The following CRTAC1 variants were observed in gnomAD, a reference collection of about 807,000 sequenced individuals.
The protein encoded by CRTAC1 is acidic secreted protein in cartilage.
A neutral mutation model predicts 67.8 loss-of-function variants in CRTAC1; 37 were observed. The ratio of observed to expected loss-of-function variants is 0.55; its 90% CI spans 0.42 to 0.72. CRTAC1 has a LOEUF of 0.72. Among genes scored for constraint, CRTAC1 ranks in the 30% least tolerant of loss-of-function variants. The pLI, the probability that CRTAC1 is intolerant of heterozygous loss-of-function variation, is 0.00. For missense variants in CRTAC1, 780 were observed against 931.6 expected, an observed-to-expected ratio of 0.84 and a Z score of 2.12; for synonymous variants, 348 against 371.0, an observed-to-expected ratio of 0.94 and a Z score of 0.71.
At chr10:98,020,694 T>G (rs1161433593) in intron 1 of CRTAC1, among the ~76,000 whole-genome samples, 2 of 152,198 alleles carry the variant, frequency 1.3e-5, no homozygotes, top group Admixed American at 1.3e-4. Context: ...TGTTCCAGGC[T>G]GAGGGGAGCA....
intron 5 of CRTAC1, among the ~76,000 whole-genome samples, 186 bp downstream of exon 5, chr10:97,917,314 T>C (rs530818255): frequency 6.6e-6 from 1 of 152,292 alleles, no homozygotes; most frequent in South Asian, 2.1e-4. Context: ...CACCAATGCT[T>C]GGAGAGGCAG....
At chr10:97,954,123 G>T (rs1037629284) in intron 2 of CRTAC1, among the ~76,000 whole-genome samples, 1 of 152,088 alleles carries the variant, frequency 6.6e-6, no homozygotes, top group Non-Finnish European at 1.5e-5. Context: ...ACCCCACAAG[G>T]CTCCTGGTCT....
intron 3 of CRTAC1, among the ~76,000 whole-genome samples, chr10:97,934,898 AG>A (rs1471833167): frequency 7.3e-6 from 1 of 137,654 alleles, no homozygotes; most frequent in South Asian, 2.3e-4. Flanking sequence ...ACAGCCCCAC[AG>A]GCCTGGGCTG....
intron 13 of CRTAC1, among the ~76,000 whole-genome samples, chr10:97,880,893 G>A (rs1325246743): frequency 3.9e-5 from 6 of 152,084 alleles, no homozygotes; most frequent in African/African-American, 1.4e-4. Flanking sequence ...GGAAATCAGA[G>A]CGACCCCTGA....
chr10:98,012,861 T>G (rs1842933466), intron 1 of CRTAC1, among the ~76,000 whole-genome samples: 1 of 152,162 alleles, frequency 6.6e-6, no homozygotes, highest in South Asian at 2.1e-4. Context: ...ACTACCAAAC[T>G]GAGGTCATTC....
At chr10:97,934,811 A>C (rs1338254877) in intron 3 of CRTAC1, among the ~76,000 whole-genome samples, 1 of 152,080 alleles carries the variant, frequency 6.6e-6, no homozygotes, top group African/African-American at 2.4e-5. Flanking sequence ...CTAGCCCCAC[A>C]GGGACACAGG....
chr10:97,881,970 C>A (rs186753759), intron 13 of CRTAC1, among the ~76,000 whole-genome samples: 29 of 152,332 alleles, frequency 1.9e-4, no homozygotes, highest in African/African-American at 1.7e-4. Context: ...TGCCCTCCCC[C>A]ATCTGGGCCC....
At position 98,018,812 on chromosome 10, in the gene CRTAC1, C is replaced by T. The variant is rs534925885; in HGVS notation, c.25-7475G>A. On this transcript the variant is annotated intron_variant, in intron 1 of 14. Transcript: ENST00000370597. ...GAGACATGAAGGAGAGAGGCAGCCA[C>T]GGGAACACTGCCCCACACAGGCTGG... 6.4e-4 allele frequency among the ~76,000 whole-genome samples: 94 copies of T among 145,756 alleles called. 1 individual carries two copies. In the Middle Eastern group the frequency reaches 0.011, roughly 17 times the overall value.
At chr10:97,987,307 C>T (rs1261576357) in intron 2 of CRTAC1, among the ~76,000 whole-genome samples, 1 of 152,254 alleles carries the variant, frequency 6.6e-6, no homozygotes, top group African/African-American at 2.4e-5. Flanking sequence ...CATCTGTATT[C>T]CTTTGTTCTT....
chr10:97,945,334 C>A (rs923689268), intron 2 of CRTAC1, among the ~76,000 whole-genome samples: 10 of 152,170 alleles, frequency 6.6e-5, no homozygotes, highest in Non-Finnish European at 1.3e-4. Flanking sequence ...ACTCCTCTTT[C>A]TCTTTCTTCT....
At chr10:97,987,389 AT>A (rs1447085377) in intron 2 of CRTAC1, among the ~76,000 whole-genome samples, 1 of 152,100 alleles carries the variant, frequency 6.6e-6, no homozygotes, top group Admixed American at 6.5e-5. Flanking sequence ...TGAGCATGAG[AT>A]TTTCTTGGAA....
intron 2 of CRTAC1, among the ~76,000 whole-genome samples, chr10:98,001,132 G>A (rs1590279786): frequency 1.3e-5 from 2 of 152,096 alleles, no homozygotes; most frequent in East Asian, 1.9e-4. Flanking sequence ...TGGTAAAGCT[G>A]CACCTAATAA....
chr10:97,875,118 C>T (rs995350551), intron 14 of CRTAC1, among the ~76,000 whole-genome samples: 1 of 152,200 alleles, frequency 6.6e-6, no homozygotes, highest in Non-Finnish European at 1.5e-5. Context: ...CTAGAGATCG[C>T]ACAGCATAAG....
intron 11 of CRTAC1, among the ~76,000 whole-genome samples, chr10:97,894,437 T>C (rs2050421068): frequency 6.6e-6 from 1 of 151,718 alleles, no homozygotes; most frequent in South Asian, 2.1e-4. Flanking sequence ...CACTCCAGCA[T>C]AGGCTGGAGT....
Position 97,882,781 on chromosome 10 carries a change from C to T in CRTAC1, c.1675+5G>A. The T allele has an allele frequency of 6.2e-7, 1 of 1,614,034 alleles. No individual in the cohort carries two copies. Among genetic ancestry groups the T allele is most frequent in the South Asian group, 1.1e-5 (1 of 91,066 alleles). Reference sequence around the variant, plus strand: ...CCCATGCCCTGGTGACTGAAGGCAACTCACCCATGCAATGGCCATTTTCCT... The same window carrying T: ...CCCATGCCCTGGTGACTGAAGGCAATTCACCCATGCAATGGCCATTTTCCT... On this transcript the variant is annotated splice_donor_5th_base_variant and intron_variant, in intron 13 of 14. Transcript: ENST00000370597.
At chr10:98,018,639 G>A (rs1843052766) in intron 1 of CRTAC1, among the ~76,000 whole-genome samples, 1 of 152,108 alleles carries the variant, frequency 6.6e-6, no homozygotes, top group South Asian at 2.1e-4. Context: ...AGTCTTCCAG[G>A]GCAATTTTCG....
At chr10:97,985,542 GC>G (rs1484149960) in intron 2 of CRTAC1, among the ~76,000 whole-genome samples, 1 of 152,120 alleles carries the variant, frequency 6.6e-6, no homozygotes, top group Admixed American at 6.6e-5. Context: ...CGGTATGCCT[GC>G]TACAGCCACC....
chr10:98,028,718 T>C (rs1190059776), intron 1 of CRTAC1, among the ~76,000 whole-genome samples: 1 of 152,072 alleles, frequency 6.6e-6, no homozygotes, highest in Admixed American at 6.5e-5. Flanking sequence ...GAGAAGGTCT[T>C]GGGAAATGCA....
chr10:98,030,425 G>C lies in CRTAC1; in HGVS notation c.24+24C>G, dbSNP rs1564943669. On this transcript the variant is annotated intron_variant, in intron 1 of 14. Coordinates refer to ENST00000370597, the MANE Select transcript of CRTAC1 (RefSeq NM_018058.7). This position sits in a 1 kb window ranked among gnomAD's most constrained non-coding sequence, Gnocchi z 4.2. ...GAGAAACTTTCTCCGCCTTAGGGTG[G>C]GGGGCACCGGTGCAGATACTCACGC... is the stretch of plus-strand genomic sequence containing the variant. 4 of 1,245,530 alleles carry C rather than the reference G, an allele frequency of 3.2e-6. No individual in the cohort carries two copies. Among genetic ancestry groups the C allele is most frequent in the Non-Finnish European group, 4.1e-6 (4 of 985,002 alleles). 77.2% of individuals were successfully genotyped at this position (1,245,530 alleles called of 1,614,324 possible).
Sources: gnomAD v4.1 joint callset for allele counts (sites outside exome capture counted in the v4.1 genomes callset) on GRCh38, gnomAD v4.1.1 for gene constraint, Gnocchi (gnomAD v3.1) non-coding constraint, MANE v1.5 for transcripts, NCBI Gene and HGNC (gene_info 2026-07-23, HGNC 2026-07-21) for gene names.